Variants in SMYD3 observed in about 807,000 individuals in gnomAD.
SMYD3 encodes the protein SET and MYND domain containing 3.
Under a neutral mutation model 57.7 loss-of-function variants are expected in SMYD3, and 36 were observed. The ratio of observed to expected loss-of-function variants is 0.62; its 90% CI spans 0.48 to 0.82. The LOEUF (loss-of-function observed/expected upper bound fraction) is 0.82, where lower values mean the gene tolerates loss of function less well. Among genes scored for constraint, SMYD3 ranks in the 40% least tolerant of loss-of-function variants. The pLI is 0.00. For synonymous variants in SMYD3, 211 were observed against 195.0 expected, an observed-to-expected ratio of 1.08 and a Z score of -0.68; for missense variants, 515 against 538.8, an observed-to-expected ratio of 0.96 and a Z score of 0.44.
chr1:246,261,119 C>T (rs902308102), intron 5 of SMYD3, among the ~76,000 whole-genome samples: 9 of 152,100 alleles, frequency 5.9e-5, no homozygotes, highest in Non-Finnish European at 1.2e-4. Context: ...AGTGCAGTGG[C>T]ACCATCTCAG....
intron 1 of SMYD3, among the ~76,000 whole-genome samples, chr1:246,496,878 T>A (rs144842966): frequency 6.0e-4 from 92 of 152,294 alleles, no homozygotes; most frequent in African/African-American, 2.0e-3. Flanking sequence ...TGCTTTTAAA[T>A]GTTTAAAACT....
At chr1:245,897,978 G>A (rs2053938450) in intron 8 of SMYD3, among the ~76,000 whole-genome samples, 1 of 152,154 alleles carries the variant, frequency 6.6e-6, no homozygotes, top group African/African-American at 2.4e-5. Flanking sequence ...TGGAAGTCCA[G>A]TAAGAATGCT....
intron 1 of SMYD3, among the ~76,000 whole-genome samples, chr1:246,398,633 G>T (rs1456295027): frequency 6.6e-6 from 1 of 152,134 alleles, no homozygotes; most frequent in Non-Finnish European, 1.5e-5. Context: ...TACATTCAGG[G>T]GACTGTAAAT....
At chr1:246,323,710 T>C (rs2065288505) in intron 5 of SMYD3, among the ~76,000 whole-genome samples, 1 of 152,164 alleles carries the variant, frequency 6.6e-6, no homozygotes, top group Admixed American at 6.5e-5. Flanking sequence ...TTTTGAGATT[T>C]AGAATTAGCC....
rs755583124 is a variant in SMYD3 at position 246,355,078 on chromosome 1, G to A, written c.181C>T (p.Arg61Ter). Reference protein sequence around the residue: ...RCLLGKEKLMRCSQCRVAKYC... With the variant: ...RCLLGKEKLM Reference sequence around the variant, plus strand: ...TTGGCGACGCGGCACTGAGAGCATCGCATCAGCTTTTCCTTCCTGTGGGGA... The same window carrying A: ...TTGGCGACGCGGCACTGAGAGCATCACATCAGCTTTTCCTTCCTGTGGGGA... The change falls in exon 2 of 12, where the codon CGA becomes TGA. Residue 61 changes from arginine to a stop codon, truncating the protein, a stop_gained. Coordinates refer to ENST00000490107, the MANE Select transcript of SMYD3 (RefSeq NM_001167740.2). LOFTEE classifies it high-confidence loss of function. This position sits in a 1 kb window ranked among gnomAD's most constrained non-coding sequence, Gnocchi z 5.0. 1.9e-6 allele frequency: 3 copies of A among 1,614,070 alleles called. No individual in the cohort carries two copies. Among genetic ancestry groups the A allele is most frequent in the South Asian group, 1.1e-5 (1 of 91,072 alleles).
intron 1 of SMYD3, among the ~76,000 whole-genome samples, chr1:246,467,645 C>T (rs1250499291): frequency 6.6e-6 from 1 of 152,054 alleles, no homozygotes; most frequent in Non-Finnish European, 1.5e-5. Context: ...AAAGCAAAGC[C>T]CAGGACCTGA....
intron 1 of SMYD3, among the ~76,000 whole-genome samples, chr1:246,397,944 A>AGAGGG (rs770168802): frequency 6.8e-6 from 1 of 146,214 alleles, no homozygotes; most frequent in Non-Finnish European, 1.5e-5. Flanking sequence ...AGAAAAGAGG[A>AGAGGG]GAGGGGAGGG....
chr1:245,906,789 C>T (rs1453330774), intron 8 of SMYD3, among the ~76,000 whole-genome samples: 1 of 152,142 alleles, frequency 6.6e-6, no homozygotes, highest in Non-Finnish European at 1.5e-5. Flanking sequence ...GGTACATATA[C>T]ACAATGGAGT....
rs1027760934 is a variant in SMYD3, at chr1:246,313,014, G to C, written c.531+14187C>G. ...ACTGCAACCTCTACCTCCCAGGCTCGAGCGATCCTCCCACCTCAGCCTCCC... is the reference window on the plus strand; with the variant it reads ...ACTGCAACCTCTACCTCCCAGGCTCCAGCGATCCTCCCACCTCAGCCTCCC... On this transcript the variant is annotated intron_variant, in intron 5 of 11. Coordinates refer to ENST00000490107, the MANE Select transcript of SMYD3 (RefSeq NM_001167740.2). Among the ~76,000 whole-genome samples, 17 of 151,830 alleles carry C rather than the reference G, an allele frequency of 1.1e-4. 1 individual carries two copies. The South Asian group carries it at 1.5e-3, about 13-fold the overall frequency.
intron 5 of SMYD3, among the ~76,000 whole-genome samples, chr1:246,143,447 C>A (rs887195691): frequency 1.3e-5 from 2 of 152,134 alleles, no homozygotes; most frequent in African/African-American, 2.4e-5. Context: ...GAGGCCAAGG[C>A]AGGTGGATAG....
At chr1:246,200,747 A>G (rs142262433) in intron 5 of SMYD3, among the ~76,000 whole-genome samples, 1 of 152,334 alleles carries the variant, frequency 6.6e-6, no homozygotes, top group Non-Finnish European at 1.5e-5. Context: ...CTTTTCATAT[A>G]TATGATTTGA....
chr1:246,262,491 A>T (rs2064029930), intron 5 of SMYD3, among the ~76,000 whole-genome samples: 1 of 152,214 alleles, frequency 6.6e-6, no homozygotes. Context: ...CCTTCATTTC[A>T]GATGAGGAAA....
At chr1:246,039,696 T>C (rs12043935) in intron 5 of SMYD3, among the ~76,000 whole-genome samples, 2,729 of 152,242 alleles carry the variant, frequency 0.018, 110 homozygotes, top group South Asian at 0.14. Context: ...AGCCACAAGA[T>C]GACAAACATC....
At chr1:245,969,221 T>C (rs528655204) in intron 5 of SMYD3, among the ~76,000 whole-genome samples, 2 of 152,344 alleles carry the variant, frequency 1.3e-5, no homozygotes, top group East Asian at 3.9e-4. Context: ...GGGTTTGCTG[T>C]GAGAATGAAC....
intron 1 of SMYD3, among the ~76,000 whole-genome samples, chr1:246,426,950 T>C (rs896709034): frequency 1.3e-5 from 2 of 152,100 alleles, no homozygotes; most frequent in African/African-American, 4.8e-5. Flanking sequence ...TAAAACTCTA[T>C]GTAAATTTGA....
intron 1 of SMYD3, among the ~76,000 whole-genome samples, chr1:246,432,052 C>T (rs1011267603): frequency 1.3e-5 from 2 of 152,164 alleles, no homozygotes; most frequent in African/African-American, 2.4e-5. Flanking sequence ...TGAATAATTG[C>T]AGATAAGACA....
In SMYD3 at chr1:246,002,668, G is replaced by T. The variant is rs1254743467; in HGVS notation, c.532-72731C>A. 2.7e-5 allele frequency among the ~76,000 whole-genome samples: 4 copies of T among 145,950 alleles called. 2 individuals carry two copies. The highest frequency in any genetic ancestry group is 1.0e-4 in the African/African-American group (4 of 39,344). Reference sequence around the variant, plus strand: ...GGGGTTTCACCATGTTAGCCAGGATGGTCTCGATCTCCTGACCTCGTGATC... The same window carrying T: ...GGGGTTTCACCATGTTAGCCAGGATTGTCTCGATCTCCTGACCTCGTGATC... On this transcript the variant is annotated intron_variant, in intron 5 of 11. Transcript: ENST00000490107.
chr1:246,209,089 C>T (rs754199258), intron 5 of SMYD3, among the ~76,000 whole-genome samples: 39 of 152,102 alleles, frequency 2.6e-4, no homozygotes, highest in Non-Finnish European at 4.0e-4. Context: ...TTAAGTCCCA[C>T]TATTGATTAC....
chr1:246,125,364 A>G (rs2061494642), intron 5 of SMYD3, among the ~76,000 whole-genome samples: 1 of 152,194 alleles, frequency 6.6e-6, no homozygotes, highest in Non-Finnish European at 1.5e-5. Context: ...GTTATGCCAC[A>G]TTCAAATTCC....
Sources: gnomAD v4.1 joint callset for allele counts (sites outside exome capture counted in the v4.1 genomes callset) on GRCh38, gnomAD v4.1.1 for gene constraint, Gnocchi (gnomAD v3.1) non-coding constraint, MANE v1.5 for transcripts, NCBI Gene and HGNC (gene_info 2026-07-23, HGNC 2026-07-21) for gene names.